The following LRRC37A2 variants were observed in gnomAD, a reference collection of about 807,000 sequenced individuals.
LRRC37A2 encodes leucine rich repeat containing 37 member A2.
In LRRC37A2, 9 loss-of-function variants were observed where a neutral mutation model predicts 68.8. The observed-to-expected ratio is 0.13, with a 90% CI of 0.08 to 0.23. LRRC37A2 has a LOEUF of 0.23. LRRC37A2 is among the 10% of genes least tolerant of loss of function. The pLI, the probability that LRRC37A2 is intolerant of heterozygous loss-of-function variation, is 1.00. For synonymous variants in LRRC37A2, 63 were observed against 367.6 expected, an observed-to-expected ratio of 0.17 and a Z score of 9.48; for missense variants, 168 against 950.4, an observed-to-expected ratio of 0.18 and a Z score of 10.82.
the LRRC37A2 span, among the ~76,000 whole-genome samples, chr17:46,815,126 A>G: frequency 6.6e-6 from 1 of 152,144 alleles, no homozygotes; most frequent in East Asian, 1.9e-4. Context: ...GCTGGAATGT[A>G]GCAGGTGCTG....
the LRRC37A2 span, among the ~76,000 whole-genome samples, chr17:46,819,614 C>T: frequency 6.6e-6 from 1 of 152,236 alleles, no homozygotes; most frequent in East Asian, 1.9e-4. The surrounding 1 kb of genome is among the most constrained non-coding windows in gnomAD (Gnocchi z 5.3). Context: ...ACCTTGCTGC[C>T]CTCCGGAGCG....
chr17:46,788,592 C>A, the LRRC37A2 span, among the ~76,000 whole-genome samples: 1 of 152,240 alleles, frequency 6.6e-6, no homozygotes, highest in Admixed American at 6.5e-5. Context: ...ATTTCCCCAG[C>A]TCTTATACAT....
the LRRC37A2 span, chr17:46,968,660 T>A: frequency 6.6e-6 from 1 of 152,460 alleles, no homozygotes; most frequent in East Asian, 1.9e-4. Context: ...TTCTGTGTAA[T>A]CATACAGCTT....
chr17:46,831,709 G>A, the LRRC37A2 span: 2 of 152,322 alleles, frequency 1.3e-5, no homozygotes, highest in Non-Finnish European at 2.9e-5. Flanking sequence ...CCAGTGAAGA[G>A]CCACAGAGGA....
At chr17:46,755,082 TG>T in the LRRC37A2 span, among the ~76,000 whole-genome samples, 3 of 152,272 alleles carry the variant, frequency 2.0e-5, no homozygotes, top group Non-Finnish European at 4.4e-5. Context: ...CCAGCGGGCT[TG>T]GGTCTTTTGG....
the LRRC37A2 span, chr17:46,885,010 C>T: frequency 2.4e-4 from 103 of 434,214 alleles, 1 homozygote; most frequent in African/African-American, 2.0e-3. Flanking sequence ...TTTTTTTAGA[C>T]GAAGTCTTGT....
the LRRC37A2 span, among the ~76,000 whole-genome samples, chr17:46,868,395 C>T: frequency 1.3e-5 from 2 of 152,028 alleles, no homozygotes; most frequent in African/African-American, 4.8e-5. Flanking sequence ...AGTTCAAGAC[C>T]AGCCTAGCCA....
At chr17:46,860,186 C>G in the LRRC37A2 span, among the ~76,000 whole-genome samples, 1 of 152,084 alleles carries the variant, frequency 6.6e-6, no homozygotes, top group African/African-American at 2.4e-5. Flanking sequence ...GAGAGTCATC[C>G]TAGCCTCTTC....
the LRRC37A2 span, among the ~76,000 whole-genome samples, chr17:47,023,099 T>C: frequency 6.6e-6 from 1 of 152,254 alleles, no homozygotes; most frequent in African/African-American, 2.4e-5. Context: ...TATGGATGAA[T>C]AAAAGGGATT....
the LRRC37A2 span, among the ~76,000 whole-genome samples, chr17:46,384,179 A>T: frequency 1.9e-5 from 1 of 53,142 alleles, no homozygotes; most frequent in East Asian, 3.6e-4. Flanking sequence ...CTTTAAAATT[A>T]TTCTTGTTAT....
the LRRC37A2 span, among the ~76,000 whole-genome samples, chr17:46,852,389 AGTGTGTGTGTGTGTGTGT>A: frequency 8.9e-4 from 94 of 105,378 alleles, no homozygotes; most frequent in African/African-American, 1.7e-3. Context: ...GAGAGGGCCC[AGTGTGTGTGTGTGTGTGT>A]GTGTGTGTGT....
the LRRC37A2 span, chr17:46,979,195 G>A: frequency 5.9e-6 from 3 of 506,994 alleles, no homozygotes; most frequent in South Asian, 6.2e-5. Context: ...GGCGGGAAGC[G>A]ACCGCCCGGA....
At chr17:46,950,949 A>G in the LRRC37A2 span, among the ~76,000 whole-genome samples, 2 of 152,130 alleles carry the variant, frequency 1.3e-5, no homozygotes, top group Admixed American at 6.5e-5. Context: ...CCGACTCCCA[A>G]TCCAGTGCTG....
At chr17:46,922,909 A>G in the LRRC37A2 span, 1 of 548,306 alleles carries the variant, frequency 1.8e-6, no homozygotes, top group Non-Finnish European at 3.3e-6. Flanking sequence ...TGTCCTTCCT[A>G]ACGCCTGACT....
the LRRC37A2 span, among the ~76,000 whole-genome samples, chr17:46,953,886 GT>G: frequency 6.6e-6 from 1 of 152,104 alleles, no homozygotes; most frequent in Non-Finnish European, 1.5e-5. Flanking sequence ...TGATGGGGTT[GT>G]TTTTTTCTTG....
At chr17:46,796,486 C>A in the LRRC37A2 span, among the ~76,000 whole-genome samples, 1 of 152,186 alleles carries the variant, frequency 6.6e-6, no homozygotes, top group Non-Finnish European at 1.5e-5. Context: ...TGGTCTGGCT[C>A]CAGAGGCTGA....
chr17:46,777,933 C>T, the LRRC37A2 span, among the ~76,000 whole-genome samples: 1 of 152,192 alleles, frequency 6.6e-6, no homozygotes, highest in African/African-American at 2.4e-5. Flanking sequence ...CAACTGTGGA[C>T]CTGGGAGCCA....
the LRRC37A2 span, among the ~76,000 whole-genome samples, chr17:46,771,832 G>T: frequency 1.4e-5 from 2 of 143,876 alleles, no homozygotes; most frequent in Admixed American, 6.9e-5. Context: ...CGCGCGGTGG[G>T]GGGGCGGTGC....
the LRRC37A2 span, among the ~76,000 whole-genome samples, chr17:46,734,685 G>A: frequency 1.3e-5 from 2 of 151,884 alleles, no homozygotes; most frequent in Admixed American, 6.6e-5. Context: ...GTAAACCTGT[G>A]GACTACATAG....
Sources: allele counts gnomAD v4.1 joint callset (sites outside exome capture counted in the v4.1 genomes callset), GRCh38; gene constraint gnomAD v4.1.1; non-coding constraint Gnocchi (gnomAD v3.1); transcripts MANE v1.5; gene names NCBI Gene and HGNC (gene_info 2026-07-23, HGNC 2026-07-21).